The following MID1 variants were observed in gnomAD, a reference collection of about 807,000 sequenced individuals.
MID1 encodes midline 1, also known as E3 ubiquitin-protein ligase Midline-1.
In MID1, 7 loss-of-function variants were observed where a neutral mutation model predicts 40.4. The observed-to-expected ratio is 0.17, with a 90% confidence interval of 0.10 to 0.33. The LOEUF is 0.33. Ranked by LOEUF, MID1 falls within the 10% of genes least tolerant of loss-of-function variation. The probability of loss-of-function intolerance (pLI) is 1.00; values close to 1 mark genes in which losing one functional copy is unlikely to be tolerated. For missense variants in MID1, 367 were observed against 558.5 expected (o/e 0.66, Z 3.46); for synonymous variants, 229 against 221.2 (o/e 1.04, Z -0.31).
At chrX:10,554,214 T>C (rs1454895803) in intron 2 of MID1, among the ~76,000 whole-genome samples, 1 of 112,489 alleles carries the variant, frequency 8.9e-6, no homozygotes, top group African/African-American at 3.2e-5. Flanking sequence ...CCCATATTTT[T>C]GCAGGAGATA....
At chrX:10,541,497 T>G (rs946392654) in intron 2 of MID1, among the ~76,000 whole-genome samples, 1 of 111,465 alleles carries the variant, frequency 9.0e-6, no homozygotes, top group Non-Finnish European at 1.9e-5. Context: ...ATATAATTGA[T>G]ATATCATATA....
intron 4 of MID1, among the ~76,000 whole-genome samples, chrX:10,493,214 G>A (rs986552445): frequency 8.9e-6 from 1 of 112,164 alleles, no homozygotes; most frequent in African/African-American, 3.2e-5. Flanking sequence ...GTCGTTATAA[G>A]AGAAAGGCAG....
At chrX:10,677,681 A>C (rs1319891830) in intron 1 of MID1, 1 of 112,180 alleles carries the variant, frequency 8.9e-6, no homozygotes, top group African/African-American at 3.2e-5. Flanking sequence ...ACATACTAAC[A>C]CTTCAGAATA....
intron 2 of MID1, among the ~76,000 whole-genome samples, chrX:10,550,414 G>T (rs1027808772): frequency 8.9e-6 from 1 of 112,202 alleles, no homozygotes; most frequent in African/African-American, 3.2e-5. Context: ...CAGCCTGAAG[G>T]CTGGCATGTG....
At chrX:10,766,858 A>G (rs1310760248) in intron 1 of MID1, among the ~76,000 whole-genome samples, 1 of 108,115 alleles carries the variant, frequency 9.2e-6, no homozygotes, top group African/African-American at 3.4e-5. Context: ...ACAGTGAGCC[A>G]TGATCATGCC....
At chrX:10,603,127 C>T (rs1935563121) in intron 1 of MID1, among the ~76,000 whole-genome samples, 1 of 112,440 alleles carries the variant, frequency 8.9e-6, no homozygotes, top group Non-Finnish European at 1.9e-5. Context: ...ATCCTCATCC[C>T]CTTCTTTTCC....
intron 4 of MID1, among the ~76,000 whole-genome samples, chrX:10,492,415 C>T (rs1930999550): frequency 1.8e-5 from 2 of 111,557 alleles, no homozygotes; most frequent in South Asian, 7.6e-4. Flanking sequence ...CTTCACCTGG[C>T]CCTTGAGGTC....
At chrX:10,455,158 A>T in intron 8 of MID1, 81 bp from the exon 9 acceptor site, 1 of 910,060 alleles carries the variant, frequency 1.1e-6, no homozygotes, top group Non-Finnish European at 1.6e-6. Context: ...TATTTTCAAA[A>T]TCAGGTTTAA....
intron 1 of MID1, among the ~76,000 whole-genome samples, chrX:10,654,179 A>G (rs770556431): frequency 7.1e-5 from 8 of 112,003 alleles, no homozygotes; most frequent in African/African-American, 2.6e-4. Context: ...ATATATAAAT[A>G]TAGCAGCAAG....
intron 1 of MID1, among the ~76,000 whole-genome samples, chrX:10,638,846 G>T (rs1306226988): frequency 8.9e-6 from 1 of 112,021 alleles, no homozygotes; most frequent in Non-Finnish European, 1.9e-5. Flanking sequence ...TTGCTGTTCT[G>T]CAACATTTGC....
At chrX:10,620,943 G>A (rs1162427422), upstream of MID1, among the ~76,000 whole-genome samples, 2 of 111,803 alleles carry the variant, frequency 1.8e-5, no homozygotes, top group African/African-American at 6.5e-5. Flanking sequence ...TTGCACTGAA[G>A]CCCTACTTTT....
intron 1 of MID1, among the ~76,000 whole-genome samples, chrX:10,700,041 C>T (rs981491995): frequency 1.8e-5 from 2 of 110,154 alleles, no homozygotes; most frequent in Non-Finnish European, 3.8e-5. Context: ...AGGCTGGTCT[C>T]GAACTCCCGA....
intron 1 of MID1, among the ~76,000 whole-genome samples, chrX:10,709,057 A>G (rs898838272): frequency 2.7e-5 from 3 of 112,739 alleles, no homozygotes; most frequent in Non-Finnish European, 5.6e-5. Flanking sequence ...CTAGGAACAT[A>G]TCCTTTGTAT....
chrX:10,667,851 G>A (rs930879448), intron 1 of MID1, among the ~76,000 whole-genome samples: 2 of 112,133 alleles, frequency 1.8e-5, no homozygotes, highest in African/African-American at 6.5e-5. Flanking sequence ...CTACTCCATA[G>A]CATGCATTCA....
chrX:10,553,583 A>G (rs1186816369), intron 2 of MID1, among the ~76,000 whole-genome samples: 1 of 112,112 alleles, frequency 8.9e-6, no homozygotes, highest in Non-Finnish European at 1.9e-5. Flanking sequence ...TTACATTTTT[A>G]GCCAGGGTAA....
intron 1 of MID1, among the ~76,000 whole-genome samples, chrX:10,654,624 C>T: frequency 8.9e-6 from 1 of 112,351 alleles, no homozygotes; most frequent in Non-Finnish European, 1.9e-5. Context: ...TGCTCACTCA[C>T]TGGCCACTCA....
chrX:10,554,562 GA>G (rs750883526), intron 2 of MID1, among the ~76,000 whole-genome samples: 1 of 111,935 alleles, frequency 8.9e-6, no homozygotes, highest in South Asian at 3.8e-4. Flanking sequence ...TACATGCATA[GA>G]ATCTGTAATG....
At chrX:10,754,849 CTTATTT>C (rs1209471919) in intron 1 of MID1, among the ~76,000 whole-genome samples, 2 of 111,923 alleles carry the variant, frequency 1.8e-5, no homozygotes, top group Non-Finnish European at 3.8e-5. Flanking sequence ...AAACATAATT[CTTATTT>C]TTATTGTTTT....
intron 1 of MID1, among the ~76,000 whole-genome samples, chrX:10,652,528 T>C (rs886972576): frequency 4.5e-5 from 5 of 111,874 alleles, no homozygotes; most frequent in African/African-American, 1.6e-4. Flanking sequence ...TGCATTCCCC[T>C]GCACTCCTTC....
Sources: gnomAD v4.1 joint callset for allele counts (sites outside exome capture counted in the v4.1 genomes callset) on GRCh38, gnomAD v4.1.1 for gene constraint, MANE v1.5 for transcripts, NCBI Gene and HGNC (gene_info 2026-07-23, HGNC 2026-07-21) for gene names.